Variants in SREBF2 observed in about 807,000 individuals in gnomAD.
SREBF2 encodes the protein sterol regulatory element-binding protein 2.
SREBF2 carries 55 observed loss-of-function variants against 113.1 expected under a neutral mutation model. That is an observed-to-expected ratio of 0.49 (90% CI 0.39 to 0.61). The LOEUF is 0.61. SREBF2 is among the 20% of genes least tolerant of loss of function. The pLI, the probability that SREBF2 is intolerant of heterozygous loss-of-function variation, is 0.00. For synonymous variants in SREBF2, 593 were observed against 605.7 expected (o/e 0.98, Z 0.31); for missense variants, 1,349 against 1,487.4 (o/e 0.91, Z 1.53).
At chr22:41,897,231 G>A (rs1249565440) in intron 14 of SREBF2, 70 bp downstream of exon 14, 22 of 1,040,632 alleles carry the variant, frequency 2.1e-5, no homozygotes, top group Non-Finnish European at 3.0e-5. Context: ...TTTGCCCCAG[G>A]GGTCCAGGGC....
At chr22:41,898,968 T>G in intron 15 of SREBF2, 187 bp downstream of exon 15, 1 of 843,052 alleles carries the variant, frequency 1.2e-6, no homozygotes, top group East Asian at 2.8e-5. Context: ...AGGTCCTCTG[T>G]GCAAGTGTCC....
chr22:41,902,872 T>G (rs1350165900), intron 16 of SREBF2, 98 bp from the exon 17 acceptor site: 13 of 1,303,090 alleles, frequency 1.0e-5, no homozygotes, highest in South Asian at 2.5e-5. Flanking sequence ...CCAGAGCTGC[T>G]GAGTGTTGGT....
At position 41,868,732 on chromosome 22, in the gene SREBF2, G is replaced by A. The variant is rs1172803687; in HGVS notation, c.660G>A (p.Leu220=). 1.2e-6 allele frequency: 2 copies of A among 1,614,166 alleles called. No individual in the cohort carries two copies. Among genetic ancestry groups the A allele is most frequent in the South Asian group, 1.1e-5 (1 of 91,074 alleles). ...RVLTQTANGT[L]QTLAPATVQT... ...TGACACAAACGGCCAATGGCACGCT[G>A]CAGACCCTTGCCCCGGCTACGGTGC... The change falls in exon 3 of 19, where the codon CTG becomes CTA. Residue 220 remains leucine (L), a synonymous_variant. Transcript: ENST00000361204.
intron 1 of SREBF2, among the ~76,000 whole-genome samples, chr22:41,851,784 C>T (rs1347642482): frequency 1.3e-5 from 2 of 151,758 alleles, no homozygotes; most frequent in African/African-American, 2.4e-5. Context: ...CATGAGCCAC[C>T]GCACCCAGCC....
At position 41,905,481 on chromosome 22, in the gene SREBF2, G is replaced by T; in HGVS notation, c.3247G>T (p.Ala1083Ser). ...GCCCGGCCAGCGAGAGCGGGCCACC[G>T]CCATCCTGCTGGCCTGCCGCCACCT... ...AWPGQRERAT[A>S]ILLACRHLPL... Residue 1083 changes from alanine (A) to serine (S), a missense_variant, in exon 19 of 19, where the codon GCC becomes TCC. By Grantham distance (99) the Ala-to-Ser change is moderately conservative. This residue lies in a region of SREBF2 where 650 missense variants were observed against 644.1 expected (regional missense o/e 1.01). Transcript: ENST00000361204. 6.3e-7 allele frequency: 1 copy of T among 1,580,200 alleles called. No homozygotes were observed. The highest frequency in any genetic ancestry group is 8.6e-7 in the Non-Finnish European group (1 of 1,163,788).
Position 41,880,733 on chromosome 22 carries a change from T to C in SREBF2, c.1779T>C (p.Ala593=), listed in dbSNP as rs768925757. ...CTTTGTAGGGAGATTTTGCAGCTGC[T>C]GCCGGCAACCTACAAACCTGCCTGG... The part of the protein sequence containing the change: ...LDLARGDFAA[A]AGNLQTCLAV... Residue 593 remains alanine (A), a synonymous_variant, in exon 10 of 19, where the codon GCT becomes GCC. Transcript: ENST00000361204. 6.2e-6 allele frequency: 10 copies of C among 1,614,208 alleles called. No homozygotes were observed. The Admixed American group carries it at 1.7e-4, about 27-fold the overall frequency.
At chr22:41,893,528 ACATT>A (rs750203443) in intron 12 of SREBF2, among the ~76,000 whole-genome samples, 3 of 152,120 alleles carry the variant, frequency 2.0e-5, no homozygotes, top group Non-Finnish European at 4.4e-5. Flanking sequence ...GCTCTCTCTA[ACATT>A]CAGAGCCCAT....
chr22:41,867,605 GACCATCCTGGCTAACTC>G (rs1226452681), intron 2 of SREBF2, among the ~76,000 whole-genome samples: 3 of 152,166 alleles, frequency 2.0e-5, no homozygotes, highest in African/African-American at 7.2e-5. Context: ...AGGAGATTGA[GACCATCCTGGCTAACTC>G]AGTGAAACCC....
chr22:41,849,184 T>A (rs1484419587), intron 1 of SREBF2, among the ~76,000 whole-genome samples: 1 of 151,898 alleles, frequency 6.6e-6, no homozygotes, highest in African/African-American at 2.4e-5. Flanking sequence ...AGATTTATTA[T>A]TTATTTATTT....
At chr22:41,845,007 C>T (rs1267390899) in intron 1 of SREBF2, among the ~76,000 whole-genome samples, 1 of 144,486 alleles carries the variant, frequency 6.9e-6, no homozygotes. Context: ...CTGCTCACTG[C>T]GACCTCTGCC....
At chr22:41,839,352 G>A (rs368163079) in intron 1 of SREBF2, among the ~76,000 whole-genome samples, 1 of 152,192 alleles carries the variant, frequency 6.6e-6, no homozygotes, top group Non-Finnish European at 1.5e-5. Context: ...TCACTGCTGA[G>A]TCAAGAGGAG....
chr22:41,845,129 A>C (rs2076865491), intron 1 of SREBF2, among the ~76,000 whole-genome samples: 1 of 151,856 alleles, frequency 6.6e-6, no homozygotes, highest in African/African-American at 2.4e-5. Context: ...TGAGGTTTCA[A>C]CATGTTGGCC....
chr22:41,862,838 G>T (rs531435248), intron 1 of SREBF2, among the ~76,000 whole-genome samples: 29 of 152,224 alleles, frequency 1.9e-4, no homozygotes, highest in Admixed American at 3.9e-4. Flanking sequence ...CCAGTACCCG[G>T]CTGCCCGGCT....
chr22:41,889,363 G>A (rs560067878), intron 11 of SREBF2, among the ~76,000 whole-genome samples: 33 of 152,214 alleles, frequency 2.2e-4, no homozygotes, highest in Non-Finnish European at 4.4e-4. Context: ...CTGGGCTTAA[G>A]CGATCTGCCC....
At chr22:41,862,160 C>A (rs377173028) in intron 1 of SREBF2, among the ~76,000 whole-genome samples, 2 of 152,280 alleles carry the variant, frequency 1.3e-5, no homozygotes, top group East Asian at 3.9e-4. Context: ...TTACCTCATT[C>A]TCAGGTAGAT....
intron 1 of SREBF2, among the ~76,000 whole-genome samples, chr22:41,852,596 G>A (rs2076941542): frequency 6.6e-6 from 1 of 151,838 alleles, no homozygotes; most frequent in Admixed American, 6.6e-5. Flanking sequence ...CCCAGTTTTG[G>A]TCACTTTTTG....
intron 3 of SREBF2, among the ~76,000 whole-genome samples, chr22:41,869,463 G>A (rs1235710120): frequency 2.0e-5 from 3 of 149,140 alleles, no homozygotes; most frequent in Non-Finnish European, 4.4e-5. Context: ...GGGGAGGGGG[G>A]GCATGTATTA....
chr22:41,875,018 A>G (rs937349577), intron 5 of SREBF2, among the ~76,000 whole-genome samples: 1 of 152,248 alleles, frequency 6.6e-6, no homozygotes, highest in Non-Finnish European at 1.5e-5. Context: ...AAGTGGGAAC[A>G]ATAGCTAATA....
At position 41,866,966 on chromosome 22, in the gene SREBF2, A is replaced by G. The variant is rs879204876; in HGVS notation, c.224A>G (p.Asn75Ser). 6.2e-7 allele frequency: 1 copy of G among 1,613,770 alleles called. No homozygotes were observed. The highest frequency in any genetic ancestry group is 1.7e-5 in the Admixed American group (1 of 59,938). ...AGTGGCAGCAGCAGCAGCAGCAGCA[A>G]TGGCAGGGGCAGCAGCAGCGGAGCT... ...GSSGSSSSSSNGRGSSSGAVD... is the reference protein window; with the variant it reads ...GSSGSSSSSSSGRGSSSGAVD... The change falls in exon 2 of 19, where the codon AAT becomes AGT. Residue 75 changes from asparagine (N) to serine (S), a missense_variant. Physicochemically the swap from Asn to Ser is conservative, Grantham distance 46 (BLOSUM62 1). Around this residue, in one of 2 missense-constraint regions of SREBF2, gnomAD observed 699 missense variants for 843.3 expected, o/e 0.83. Coordinates refer to ENST00000361204, the MANE Select transcript of SREBF2 (RefSeq NM_004599.4).
Sources: gnomAD v4.1 joint callset for allele counts (sites outside exome capture counted in the v4.1 genomes callset) on GRCh38, gnomAD v4.1.1 for gene constraint, gnomAD v4.1.1 regional missense constraint, MANE v1.5 for transcripts, NCBI Gene and HGNC (gene_info 2026-07-23, HGNC 2026-07-21) for gene names.